KSR1: variants seen among roughly 807,000 people sequenced by gnomAD.
KSR1 encodes kinase suppressor of ras.
KSR1 carries 35 observed loss-of-function variants against 92.9 expected under a neutral mutation model. The observed-to-expected ratio is 0.38, with a 90% CI of 0.29 to 0.50. The LOEUF (loss-of-function observed/expected upper bound fraction) is 0.50. Among genes scored for constraint, KSR1 ranks in the 20% least tolerant of loss-of-function variants. The pLI, the probability that KSR1 is intolerant of heterozygous loss-of-function variation, is 0.94. For synonymous variants in KSR1, 467 were observed against 472.6 expected (o/e 0.99, Z 0.15); for missense variants, 972 against 1,158.5 (o/e 0.84, Z 2.34).
intron 1 of KSR1, among the ~76,000 whole-genome samples, chr17:27,495,837 T>A (rs780438886): frequency 2.0e-5 from 3 of 152,148 alleles, no homozygotes; most frequent in Non-Finnish European, 4.4e-5. Flanking sequence ...CTGGAATCAT[T>A]TTTTTTAAGT....
intron 1 of KSR1, among the ~76,000 whole-genome samples, chr17:27,540,968 T>C (rs1464777593): frequency 2.6e-5 from 4 of 152,136 alleles, no homozygotes; most frequent in Admixed American, 2.6e-4. Flanking sequence ...GGGAAGGAAG[T>C]GGAAGATGTA....
rs76097934 is a variant in KSR1, at chr17:27,561,779, T to C, written c.372+11071T>C. Among the ~76,000 whole-genome samples the C allele has an allele frequency of 7.7e-4, 117 of 152,356 alleles. 1 individual carries two copies. In the East Asian group the frequency reaches 0.022, roughly 28 times the overall value. Reference sequence around the variant, plus strand: ...TTTCAGGGTGGGGGTTCCCCTGGTTTCATGAAATCTGAAAAATCATGAGCA... The same window carrying C: ...TTTCAGGGTGGGGGTTCCCCTGGTTCCATGAAATCTGAAAAATCATGAGCA... On this transcript the variant is annotated intron_variant, in intron 2 of 20. Transcript: ENST00000644974.
chr17:27,536,645 C>T (rs560812637), intron 1 of KSR1, among the ~76,000 whole-genome samples: 1 of 152,334 alleles, frequency 6.6e-6, no homozygotes, highest in East Asian at 1.9e-4. Flanking sequence ...ATTCCAGGAC[C>T]TTCTGGAACT....
rs550320528 is a variant in KSR1, at chr17:27,477,706, C to T, written c.231+20832C>T. 3.3e-3 allele frequency among the ~76,000 whole-genome samples: 508 copies of T among 151,922 alleles called. 3 individuals carry two copies. The highest frequency in any genetic ancestry group is 0.012 in the African/African-American group (492 of 41,458). ...CGCCAGATGCTTCAGGGGAAGTTCCCTGTTCTCTTCTTTTTTTTTTTTTTG... is the reference window on the plus strand; with the variant it reads ...CGCCAGATGCTTCAGGGGAAGTTCCTTGTTCTCTTCTTTTTTTTTTTTTTG... On this transcript the variant is annotated intron_variant, in intron 1 of 20. Transcript: ENST00000644974.
At chr17:27,605,952 C>T in intron 14 of KSR1, 139 bp downstream of exon 14, 1 of 1,017,062 alleles carries the variant, frequency 9.8e-7, no homozygotes, top group Non-Finnish European at 1.4e-6. Context: ...TGGGGTATAA[C>T]TTCCTAATCA....
intron 1 of KSR1, among the ~76,000 whole-genome samples, chr17:27,468,143 G>A (rs2019793862): frequency 6.6e-6 from 1 of 151,424 alleles, no homozygotes; most frequent in African/African-American, 2.4e-5. Context: ...ACTTTATCAT[G>A]GAAAGGTTTA....
intron 1 of KSR1, among the ~76,000 whole-genome samples, chr17:27,544,068 C>G (rs1278304297): frequency 6.6e-6 from 1 of 152,208 alleles, no homozygotes; most frequent in Non-Finnish European, 1.5e-5. Context: ...GTGTTCCACA[C>G]GTTTTGCTGA....
At chr17:27,618,669 T>C (rs2151268919) in intron 19 of KSR1, among the ~76,000 whole-genome samples, 1 of 152,318 alleles carries the variant, frequency 6.6e-6, no homozygotes, top group African/African-American at 2.4e-5. Context: ...CAGTAAGACT[T>C]AATGCTGGAA....
intron 11 of KSR1, 60 bp downstream of exon 11, chr17:27,601,461 A>G: frequency 6.7e-7 from 1 of 1,487,188 alleles, no homozygotes; most frequent in Non-Finnish European, 9.4e-7. Flanking sequence ...TGTCCTGCCC[A>G]CCTGGGCAGG....
rs1337812757 is a variant in KSR1 at position 27,576,132 on chromosome 17, G to C, written c.373-1360G>C. Among the ~76,000 whole-genome samples the C allele has an allele frequency of 5.9e-5, 9 of 152,126 alleles. No individual in the cohort carries two copies. In the East Asian group the frequency reaches 1.7e-3, roughly 29 times the overall value. ...TTCAAAGTCTGCTTTTCACGCTTCA[G>C]GTCTCTTGACTTCTCTGTTACCAGC... On this transcript the variant is annotated intron_variant, in intron 2 of 20. Transcript: ENST00000644974.
At chr17:27,603,066 G>A (rs1472727474) in intron 11 of KSR1, among the ~76,000 whole-genome samples, 1 of 152,256 alleles carries the variant, frequency 6.6e-6, no homozygotes, top group African/African-American at 2.4e-5. Flanking sequence ...CGGGGAGTGA[G>A]CCGTCCATGG....
At chr17:27,601,429 T>C (rs118139250) in intron 11 of KSR1, 28 bp downstream of exon 11, 1 of 1,602,196 alleles carries the variant, frequency 6.2e-7, no homozygotes, top group Non-Finnish European at 8.6e-7. Flanking sequence ...TTCCATTAAC[T>C]GCCCTTTGCT....
Position 27,592,636 on chromosome 17 carries a change from G to C in KSR1, c.1299+10G>C, listed in dbSNP as rs973074916. 1 of 1,610,616 alleles carries C rather than the reference G, an allele frequency of 6.2e-7. No homozygotes were observed. The highest frequency in any genetic ancestry group is 8.5e-7 in the Non-Finnish European group (1 of 1,178,164). ...AGCACTGACAAAGAAGGTACGCTGG[G>C]TAATGCTGGGGAGGACGCCCTTCTG... On this transcript the variant is annotated intron_variant, in intron 9 of 20. Transcript: ENST00000644974.
intron 15 of KSR1, 53 bp from the exon 16 acceptor site, chr17:27,609,143 G>A (rs1259624160): frequency 3.1e-5 from 49 of 1,575,812 alleles, no homozygotes; most frequent in Non-Finnish European, 4.0e-5. Flanking sequence ...CCAGCCCAGG[G>A]TGGCACCTCC....
chr17:27,603,929 A>C, intron 12 of KSR1, 41 bp downstream of exon 12: 1 of 1,601,076 alleles, frequency 6.2e-7, no homozygotes, highest in East Asian at 2.2e-5. Context: ...TTCTTTGGGG[A>C]ATTATTAAGG....
chr17:27,588,893 G>T (rs1001709833), intron 6 of KSR1, among the ~76,000 whole-genome samples: 1 of 152,180 alleles, frequency 6.6e-6, no homozygotes, highest in South Asian at 2.1e-4. Context: ...GAAACTGGCC[G>T]CATATCAGAG....
intron 1 of KSR1, among the ~76,000 whole-genome samples, chr17:27,533,514 G>C (rs1170471926): frequency 6.6e-6 from 1 of 151,912 alleles, no homozygotes; most frequent in Non-Finnish European, 1.5e-5. Flanking sequence ...CTCCCGAGTA[G>C]CTGGGACTAC....
chr17:27,611,305 C>G, intron 17 of KSR1, 189 bp from the exon 18 acceptor site: 1 of 639,712 alleles, frequency 1.6e-6, no homozygotes, highest in Non-Finnish European at 2.6e-6. Context: ...CCAACGAGAG[C>G]ACAGGGCCCA....
chr17:27,517,818 G>A (rs963975912), intron 1 of KSR1, among the ~76,000 whole-genome samples: 8 of 152,214 alleles, frequency 5.3e-5, no homozygotes, highest in African/African-American at 1.9e-4. Context: ...GTGCATTGCA[G>A]TTGGGTCCCT....
Sources: allele counts gnomAD v4.1 joint callset (sites outside exome capture counted in the v4.1 genomes callset), GRCh38; gene constraint gnomAD v4.1.1; transcripts MANE v1.5; gene names NCBI Gene and HGNC (gene_info 2026-07-23, HGNC 2026-07-21).